PTH2R: variants seen among roughly 807,000 people sequenced by gnomAD.
PTH2R encodes PTH2 receptor.
In PTH2R, 59 loss-of-function variants were observed where a neutral mutation model predicts 60.3. The ratio of observed to expected loss-of-function variants is 0.98; its 90% confidence interval spans 0.79 to 1.22. The LOEUF (loss-of-function observed/expected upper bound fraction) is 1.22. PTH2R is among the 50% of genes most tolerant of loss of function. PTH2R has a pLI of 0.00. For synonymous variants in PTH2R, 256 were observed against 243.8 expected (o/e 1.05, Z -0.47); for missense variants, 749 against 682.6 (o/e 1.10, Z -1.08).
At chr2:208,489,853 A>G (rs1172144216) in intron 11 of PTH2R, among the ~76,000 whole-genome samples, 1 of 152,096 alleles carries the variant, frequency 6.6e-6, no homozygotes, top group Non-Finnish European at 1.5e-5. Context: ...TATTGCTTCC[A>G]TACGTTCTGT....
chr2:208,431,212 C>A (rs1701965099), intron 2 of PTH2R, among the ~76,000 whole-genome samples: 1 of 152,118 alleles, frequency 6.6e-6, no homozygotes, highest in Non-Finnish European at 1.5e-5. Flanking sequence ...CTGTTCAATC[C>A]ATCCATTAGT....
intron 12 of PTH2R, among the ~76,000 whole-genome samples, chr2:208,491,683 C>T (rs148686097): frequency 6.6e-6 from 1 of 151,910 alleles, no homozygotes; most frequent in Admixed American, 6.6e-5. Context: ...CCCCGCCCCC[C>T]AAGTCTGCTT....
chr2:208,382,704 C>G (rs993977664), intron 1 of PTH2R, among the ~76,000 whole-genome samples: 3 of 152,200 alleles, frequency 2.0e-5, no homozygotes, highest in Admixed American at 2.0e-4. Context: ...TCAGAGACTT[C>G]AGGAAGAGCT....
chr2:208,413,141 CCACACACACA>C (rs5838121), intron 1 of PTH2R, among the ~76,000 whole-genome samples: 245 of 149,870 alleles, frequency 1.6e-3, no homozygotes, highest in African/African-American at 5.6e-3. Context: ...TAAAAAGTGA[CCACACACACA>C]CACACACACA....
chr2:208,466,804 A>G (rs1004473061), intron 9 of PTH2R, among the ~76,000 whole-genome samples: 1 of 152,196 alleles, frequency 6.6e-6, no homozygotes, highest in African/African-American at 2.4e-5. Flanking sequence ...CATTAAATAC[A>G]TAAATATTGC....
At chr2:208,376,305 A>C (rs1387452534) in intron 1 of PTH2R, among the ~76,000 whole-genome samples, 2 of 152,138 alleles carry the variant, frequency 1.3e-5, no homozygotes, top group African/African-American at 4.8e-5. Flanking sequence ...GAACCAGGGA[A>C]ACTTGAGAAG....
intron 1 of PTH2R, among the ~76,000 whole-genome samples, chr2:208,378,110 T>C (rs1028286247): frequency 4.6e-5 from 7 of 151,956 alleles, no homozygotes; most frequent in African/African-American, 1.7e-4. Flanking sequence ...CCAGACTCCG[T>C]CTGCAATCCC....
chr2:208,427,863 A>T lies in PTH2R; in HGVS notation c.76-338A>T, dbSNP rs1701888869. Among the ~76,000 whole-genome samples, 5 of 150,938 alleles carry T rather than the reference A, an allele frequency of 3.3e-5. No homozygotes were observed. The South Asian group carries it at 1.0e-3, about 31-fold the overall frequency. On this transcript the variant is annotated intron_variant, in intron 1 of 12. Transcript: ENST00000272847. ...ATATTATTTTTATTTTTTGTAGTATATTATCTCTAATATAATTATTTTATT... is the reference window on the plus strand; with the variant it reads ...ATATTATTTTTATTTTTTGTAGTATTTTATCTCTAATATAATTATTTTATT...
At chr2:208,390,956 GCTTTGGTCC>G (rs554138275) in intron 1 of PTH2R, among the ~76,000 whole-genome samples, 5 of 152,146 alleles carry the variant, frequency 3.3e-5, no homozygotes, top group Non-Finnish European at 7.3e-5. Context: ...ATTCCTTTGG[GCTTTGGTCC>G]CTTAGCTCTC....
chr2:208,436,858 G>A (rs1033432200), intron 2 of PTH2R, among the ~76,000 whole-genome samples: 2 of 152,154 alleles, frequency 1.3e-5, no homozygotes, highest in African/African-American at 4.8e-5. Context: ...AGAGAGAATT[G>A]GGTTCATCCA....
At chr2:208,420,297 AAAG>A (rs1020939452) in intron 1 of PTH2R, among the ~76,000 whole-genome samples, 10 of 152,176 alleles carry the variant, frequency 6.6e-5, no homozygotes, top group Non-Finnish European at 1.5e-5. Context: ...ATTAAAAAAA[AAAG>A]AAAAAAAAAG....
chr2:208,476,924 C>A (rs1703017686), intron 9 of PTH2R, among the ~76,000 whole-genome samples: 1 of 152,170 alleles, frequency 6.6e-6, no homozygotes, highest in African/African-American at 2.4e-5. Flanking sequence ...GGAGACGCTG[C>A]AGAGAAAGTC....
At chr2:208,455,593 C>T (rs981080251) in intron 8 of PTH2R, among the ~76,000 whole-genome samples, 7 of 152,098 alleles carry the variant, frequency 4.6e-5, no homozygotes, top group African/African-American at 1.7e-4. Flanking sequence ...ACTGTGTTGC[C>T]ACTTCTCTGA....
intron 1 of PTH2R, among the ~76,000 whole-genome samples, chr2:208,410,600 G>T (rs1330504845): frequency 6.6e-6 from 1 of 152,170 alleles, no homozygotes; most frequent in Non-Finnish European, 1.5e-5. Flanking sequence ...GCAATAAAAA[G>T]CAATGGCTTA....
chr2:208,460,658 A>G (rs1053680137), intron 9 of PTH2R, among the ~76,000 whole-genome samples: 2 of 152,182 alleles, frequency 1.3e-5, no homozygotes, highest in African/African-American at 4.8e-5. Context: ...TGTATCTAAT[A>G]AAACTTATCA....
At chr2:208,450,714 A>G in intron 7 of PTH2R, 35 bp from the exon 8 acceptor site, 1 of 1,606,782 alleles carries the variant, frequency 6.2e-7, no homozygotes, top group South Asian at 1.1e-5. Context: ...TAATCTTAAA[A>G]TAAATCTAGT....
intron 2 of PTH2R, among the ~76,000 whole-genome samples, chr2:208,433,943 A>T (rs1702022074): frequency 6.6e-6 from 1 of 152,222 alleles, no homozygotes; most frequent in Non-Finnish European, 1.5e-5. Context: ...TAGTCAATTA[A>T]TTAGGTCCTT....
intron 10 of PTH2R, among the ~76,000 whole-genome samples, chr2:208,487,033 G>A (rs1229269295): frequency 1.3e-5 from 2 of 152,088 alleles, no homozygotes; most frequent in Non-Finnish European, 2.9e-5. Context: ...ATGAGGTGTA[G>A]GAAATGTACA....
intron 9 of PTH2R, among the ~76,000 whole-genome samples, chr2:208,460,544 G>A (rs1574894006): frequency 2.0e-5 from 3 of 151,978 alleles, no homozygotes; most frequent in Admixed American, 2.0e-4. Context: ...CTAATAATAG[G>A]GAGAAAGACC....
Sources: gnomAD v4.1 joint callset for allele counts (sites outside exome capture counted in the v4.1 genomes callset) on GRCh38, gnomAD v4.1.1 for gene constraint, MANE v1.5 for transcripts, NCBI Gene and HGNC (gene_info 2026-07-23, HGNC 2026-07-21) for gene names.